MYLK: variants seen among roughly 807,000 people sequenced by gnomAD.
MYLK encodes the protein myosin light chain kinase.
A neutral mutation model predicts 203.4 loss-of-function variants in MYLK; 106 were observed. That is an observed-to-expected ratio of 0.52 (90% CI 0.45 to 0.61). The LOEUF (loss-of-function observed/expected upper bound fraction) is 0.61. Among genes scored for constraint, MYLK ranks in the 20% least tolerant of loss-of-function variants. The pLI is 0.00. For missense variants in MYLK, 2,072 were observed against 2,442.3 expected, an observed-to-expected ratio of 0.85 and a Z score of 3.20; for synonymous variants, 867 against 959.5, an observed-to-expected ratio of 0.90 and a Z score of 1.78.
chr3:123,720,109 A>G (rs1361589122), intron 13 of MYLK, among the ~76,000 whole-genome samples: 1 of 152,156 alleles, frequency 6.6e-6, no homozygotes, highest in Non-Finnish European at 1.5e-5. Context: ...TACATCCCCC[A>G]CACTGGGAGG....
At chr3:123,839,631 T>C (rs1490198083) in intron 2 of MYLK, among the ~76,000 whole-genome samples, 1 of 152,202 alleles carries the variant, frequency 6.6e-6, no homozygotes, top group Non-Finnish European at 1.5e-5. Context: ...AACACTCCTC[T>C]CTCAGTAATT....
At chr3:123,688,493 C>G (rs925625661) in intron 19 of MYLK, among the ~76,000 whole-genome samples, 1 of 152,192 alleles carries the variant, frequency 6.6e-6, no homozygotes, top group Non-Finnish European at 1.5e-5. Flanking sequence ...GGCAACCCCC[C>G]ATTGTGCTCC....
rs1223829500 is a variant in MYLK, at chr3:123,610,516, G to A, written c.*3589C>T. On this transcript the variant is annotated 3_prime_UTR_variant, in exon 34 of 34. Transcript: ENST00000360304. ...ACCAGCACATAAATGCTCTGGTCCC[G>A]AGGGTACATACATCACTTCTGGTCA... is the stretch of plus-strand genomic sequence containing the variant. 1 of 152,140 alleles carries A rather than the reference G, an allele frequency of 6.6e-6. No individual in the cohort carries two copies. Among genetic ancestry groups the A allele is most frequent in the African/African-American group, 2.4e-5 (1 of 41,408 alleles). 9.4% of individuals were successfully genotyped at this position (152,140 alleles called of 1,614,324 possible). A position where few individuals can be genotyped will look rare whatever the true frequency, so the allele number is the denominator to read the frequency against.
chr3:123,810,181 C>T (rs1393420008), intron 3 of MYLK, among the ~76,000 whole-genome samples: 1 of 152,182 alleles, frequency 6.6e-6, no homozygotes, highest in African/African-American at 2.4e-5. Flanking sequence ...GTTCAACTAC[C>T]TCCTCCCAAT....
intron 11 of MYLK, among the ~76,000 whole-genome samples, chr3:123,731,240 A>C (rs1011930191): frequency 6.6e-6 from 1 of 152,214 alleles, no homozygotes; most frequent in Non-Finnish European, 1.5e-5. Flanking sequence ...ATTCACGAGG[A>C]TAGTAAAAAT....
At chr3:123,698,023 G>A (rs906127251) in intron 18 of MYLK, among the ~76,000 whole-genome samples, 5 of 152,320 alleles carry the variant, frequency 3.3e-5, no homozygotes, top group African/African-American at 1.2e-4. Context: ...TAATGGCTCA[G>A]AAGAGTTTCT....
intron 23 of MYLK, 137 bp from the exon 24 acceptor site, chr3:123,657,565 T>C: frequency 1.3e-6 from 1 of 786,174 alleles, no homozygotes; most frequent in South Asian, 1.7e-5. Context: ...TCTCTTTCCC[T>C]CATCCGCACA....
intron 13 of MYLK, among the ~76,000 whole-genome samples, chr3:123,710,975 C>T (rs1576681297): frequency 6.6e-6 from 1 of 152,058 alleles, no homozygotes; most frequent in Admixed American, 6.6e-5. Context: ...GCTGTAGTCC[C>T]AGCTACTTGG....
At chr3:123,732,158 G>C (rs1296119723) in intron 11 of MYLK, among the ~76,000 whole-genome samples, 2 of 152,176 alleles carry the variant, frequency 1.3e-5, no homozygotes, top group African/African-American at 4.8e-5. Flanking sequence ...TATGCATTTA[G>C]AGTAAGGGGG....
intron 3 of MYLK, among the ~76,000 whole-genome samples, chr3:123,810,947 CCT>C (rs2065538242): frequency 3.9e-5 from 6 of 152,232 alleles, no homozygotes; most frequent in Admixed American, 6.5e-5. Flanking sequence ...ATCATGGCTA[CCT>C]TTTTCTCCTC....
chr3:123,827,782 C>A (rs1488759714), intron 3 of MYLK, among the ~76,000 whole-genome samples: 3 of 108,456 alleles, frequency 2.8e-5, no homozygotes, highest in Non-Finnish European at 5.7e-5. Flanking sequence ...AACTGATAAA[C>A]AAATTTAGTA....
chr3:123,738,571 G>A (rs2062756420), intron 7 of MYLK, among the ~76,000 whole-genome samples: 1 of 152,296 alleles, frequency 6.6e-6, no homozygotes, highest in Non-Finnish European at 1.5e-5. Context: ...CCCACGTGTT[G>A]TGGGAGGGAC....
rs971447035 is a variant in MYLK, at chr3:123,670,599, A to G, written c.3653-3412T>C. ...GCAAGACCCTGTCTCTGTAAAAAAT[A>G]ATAAAAACAGCCAGGTATGGTGGTG... is the stretch of plus-strand genomic sequence containing the variant. On this transcript the variant is annotated intron_variant, in intron 20 of 33. Transcript: ENST00000360304. Among the ~76,000 whole-genome samples the G allele has an allele frequency of 3.3e-5, 5 of 152,132 alleles. No individual in the cohort carries two copies. The East Asian group carries it at 5.8e-4, about 18-fold the overall frequency.
intron 32 of MYLK, among the ~76,000 whole-genome samples, chr3:123,619,569 G>A (rs1441589110): frequency 2.0e-5 from 3 of 152,184 alleles, no homozygotes; most frequent in Non-Finnish European, 4.4e-5. Flanking sequence ...ATGAGATAAG[G>A]GTCTGGCCCT....
At chr3:123,782,666 A>G (rs926635602) in intron 4 of MYLK, among the ~76,000 whole-genome samples, 2 of 152,136 alleles carry the variant, frequency 1.3e-5, no homozygotes, top group African/African-American at 2.4e-5. Flanking sequence ...TGGTCTCTTT[A>G]TCTCTCATCG....
chr3:123,852,488 T>TTCTC (rs1440835686), intron 2 of MYLK, among the ~76,000 whole-genome samples: 1 of 152,350 alleles, frequency 6.6e-6, no homozygotes, highest in East Asian at 1.9e-4. Flanking sequence ...ATTTATCCAT[T>TTCTC]TCTTCTAGAT....
chr3:123,867,681 C>T (rs569744941), intron 2 of MYLK, among the ~76,000 whole-genome samples: 1 of 152,362 alleles, frequency 6.6e-6, no homozygotes, highest in South Asian at 2.1e-4. Context: ...TGATTTCAGA[C>T]TTCCAGCCTC....
intron 2 of MYLK, among the ~76,000 whole-genome samples, chr3:123,854,058 T>C (rs1374155710): frequency 6.6e-6 from 1 of 151,340 alleles, no homozygotes; most frequent in Non-Finnish European, 1.5e-5. Flanking sequence ...GAGAAGCAAT[T>C]TGGAAGAGAA....
chr3:123,711,655 G>C (rs1451336602), intron 13 of MYLK, among the ~76,000 whole-genome samples: 1 of 152,184 alleles, frequency 6.6e-6, no homozygotes, highest in Non-Finnish European at 1.5e-5. Flanking sequence ...GAGCCAGGCA[G>C]CTTGACTTTC....
Sources: allele counts gnomAD v4.1 joint callset (sites outside exome capture counted in the v4.1 genomes callset), GRCh38; gene constraint gnomAD v4.1.1; transcripts MANE v1.5; gene names NCBI Gene and HGNC (gene_info 2026-07-23, HGNC 2026-07-21).